Variants in URI1 observed in about 807,000 individuals in gnomAD.
URI1 encodes unconventional prefoldin RPB5 interactor 1.
A neutral mutation model predicts 60.2 loss-of-function variants in URI1; 39 were observed. That is an observed-to-expected ratio of 0.65 (90% CI 0.50 to 0.85). URI1 has a LOEUF of 0.85. Among genes scored for constraint, URI1 ranks in the 40% least tolerant of loss-of-function variants. URI1 has a pLI of 0.00. For missense variants in URI1, 691 were observed against 665.9 expected (o/e 1.04, Z -0.42); for synonymous variants, 251 against 236.8 (o/e 1.06, Z -0.55).
At chr19:29,953,830 A>C (rs2055209037) in intron 1 of URI1, among the ~76,000 whole-genome samples, 1 of 152,236 alleles carries the variant, frequency 6.6e-6, no homozygotes, top group African/African-American at 2.4e-5. Flanking sequence ...CACTGTATTC[A>C]TATGGTAATT....
upstream of URI1, chr19:29,942,139 C>A: frequency 1.1e-6 from 1 of 880,752 alleles, no homozygotes; most frequent in Non-Finnish European, 1.4e-6. Flanking sequence ...CCACGCGGTT[C>A]GCATCAAGCG....
At chr19:29,952,594 A>G (rs1198859365) in intron 1 of URI1, among the ~76,000 whole-genome samples, 1 of 152,334 alleles carries the variant, frequency 6.6e-6, no homozygotes, top group East Asian at 1.9e-4. Flanking sequence ...TGGTGTCTTC[A>G]GGGTTTTTTT....
At chr19:29,997,460 T>G (rs2055826326) in intron 4 of URI1, among the ~76,000 whole-genome samples, 1 of 152,116 alleles carries the variant, frequency 6.6e-6, no homozygotes, top group South Asian at 2.1e-4. Context: ...TAATAAAGAT[T>G]TGTCAATTTT....
At chr19:29,991,004 A>G (rs896792022) in intron 4 of URI1, among the ~76,000 whole-genome samples, 5 of 152,144 alleles carry the variant, frequency 3.3e-5, no homozygotes, top group Admixed American at 2.0e-4. Context: ...TTACTGTAGC[A>G]TTATAGTGTT....
chr19:30,012,217 T>A, intron 9 of URI1, 68 bp from the exon 10 acceptor site: 2 of 1,492,850 alleles, frequency 1.3e-6, no homozygotes, highest in Non-Finnish European at 1.8e-6. Flanking sequence ...TCAAGGAAAT[T>A]TTCAAAAAGT....
At chr19:29,926,479 A>C (rs2054869362) in intron 1 of URI1, among the ~76,000 whole-genome samples, 1 of 152,078 alleles carries the variant, frequency 6.6e-6, no homozygotes, top group South Asian at 2.1e-4. Flanking sequence ...AAGAGGTCTC[A>C]CTATGTTGCC....
intron 1 of URI1, among the ~76,000 whole-genome samples, chr19:29,924,492 A>G (rs1045023722): frequency 6.6e-6 from 1 of 152,136 alleles, no homozygotes; most frequent in Admixed American, 6.5e-5. Context: ...CCTCGCTTTC[A>G]TCCCTGGTCC....
chr19:30,014,852 C>T (rs1449092894), intron 10 of URI1, 35 bp from the exon 11 acceptor site: 1 of 1,560,298 alleles, frequency 6.4e-7, no homozygotes, highest in African/African-American at 1.4e-5. Context: ...GTCTTATTTG[C>T]ATTTTATTAC....
chr19:29,966,609 G>A (rs1290723685), intron 1 of URI1, among the ~76,000 whole-genome samples: 1 of 152,092 alleles, frequency 6.6e-6, no homozygotes, highest in African/African-American at 2.4e-5. Flanking sequence ...GTATACTTTG[G>A]TAATGATATT....
rs531973632 is a variant in URI1, at chr19:29,993,151, G to T, written c.367+6734G>T. ...ATAAAGTTATTTTTATTAAATGGAA[G>T]AGTGGACATGAAGGGATAAGAGCAT... On this transcript the variant is annotated intron_variant, in intron 4 of 10. Transcript: ENST00000392271. Among the ~76,000 whole-genome samples the T allele has an allele frequency of 1.4e-4, 21 of 152,266 alleles. No homozygotes were observed. The South Asian group carries it at 4.1e-3, about 30-fold the overall frequency.
intron 1 of URI1, among the ~76,000 whole-genome samples, chr19:29,953,445 C>A (rs545999751): frequency 1.3e-5 from 2 of 152,258 alleles, no homozygotes; most frequent in African/African-American, 4.8e-5. Context: ...TGTGAAGTAT[C>A]TTTCCATCAC....
At chr19:29,978,000 C>G (rs2055546978) in intron 2 of URI1, among the ~76,000 whole-genome samples, 2 of 152,032 alleles carry the variant, frequency 1.3e-5, no homozygotes, top group African/African-American at 2.4e-5. Flanking sequence ...TTAAAACATT[C>G]CCTTTTATTC....
Position 30,015,667 on chromosome 19 carries a change from T to A in URI1, c.*598T>A, listed in dbSNP as rs2145464144. ...TCTTTGGAAAGATATTTTGTAAAAC[T>A]TTTTTTTCCAAGTAAAAACTTTATG... On this transcript the variant is annotated 3_prime_UTR_variant, in exon 11 of 11. Transcript: ENST00000392271. 7.5e-7 allele frequency: 1 copy of A among 1,340,180 alleles called. No individual in the cohort carries two copies. The highest frequency in any genetic ancestry group is 1.4e-5 in the South Asian group (1 of 72,992). 83.0% of individuals were successfully genotyped at this position (1,340,180 alleles called of 1,614,324 possible).
chr19:29,964,184 A>G (rs1599679908), intron 1 of URI1, among the ~76,000 whole-genome samples: 1 of 152,050 alleles, frequency 6.6e-6, no homozygotes, highest in Non-Finnish European at 1.5e-5. Context: ...TGATCAGCTC[A>G]CTTCTCCACA....
rs190237861 is a variant in URI1 at position 29,995,212 on chromosome 19, A to G, written c.367+8795A>G. 4.6e-5 allele frequency among the ~76,000 whole-genome samples: 7 copies of G among 152,208 alleles called. No homozygotes were observed. In the East Asian group the frequency reaches 7.7e-4, roughly 17 times the overall value. ...GTCAACACTTGTTACTATATTTTTT[A>G]TATATAAAATAAATATATTTTGAAG... On this transcript the variant is annotated intron_variant, in intron 4 of 10. Coordinates refer to ENST00000392271, the MANE Select transcript of URI1 (RefSeq NM_003796.3).
intron 10 of URI1, among the ~76,000 whole-genome samples, chr19:30,013,727 CTT>C (rs772546215): frequency 3.9e-5 from 6 of 152,026 alleles, no homozygotes; most frequent in Non-Finnish European, 8.8e-5. Context: ...TTTTCAGTAT[CTT>C]TTTAAATGCT....
chr19:29,942,573 C>A lies in URI1; in HGVS notation c.26C>A (p.Pro9His). The A allele has an allele frequency of 7.0e-7, 1 of 1,423,618 alleles. No individual in the cohort carries two copies. Among genetic ancestry groups the A allele is most frequent in the South Asian group, 1.4e-5 (1 of 70,884 alleles). The allele number at this position is 1,423,618 out of a possible 1,614,324, so 88.2% of individuals were successfully genotyped here. A position where few individuals can be genotyped will look rare whatever the true frequency, so the allele number is the denominator to read the frequency against. The change falls in exon 1 of 11, where the codon CCC becomes CAC. Residue 9 changes from proline to histidine, a missense_variant. Pro to His is a moderately conservative substitution (Grantham distance 77). Coordinates refer to ENST00000392271, the MANE Select transcript of URI1 (RefSeq NM_003796.3). Reference sequence around the variant, plus strand: ...ATGGAGGCGCCCACCGTGGAGACGCCCCCCGACCCCTCGCCCCCTTCGGCC... The same window carrying A: ...ATGGAGGCGCCCACCGTGGAGACGCACCCCGACCCCTCGCCCCCTTCGGCC... The part of the protein sequence containing the change: MEAPTVET[P>H]PDPSPPSAPA...
chr19:29,955,093 A>G (rs1010162792), intron 1 of URI1, among the ~76,000 whole-genome samples: 6 of 149,064 alleles, frequency 4.0e-5, no homozygotes, highest in African/African-American at 1.5e-4. Context: ...TCCCGGGTTC[A>G]TGCTATTCTC....
chr19:29,997,952 T>G (rs930744694), intron 4 of URI1, among the ~76,000 whole-genome samples: 2 of 151,742 alleles, frequency 1.3e-5, no homozygotes, highest in African/African-American at 4.8e-5. Context: ...TTTAGTAGAG[T>G]CGGGGTTTCA....
Sources: allele counts gnomAD v4.1 joint callset (sites outside exome capture counted in the v4.1 genomes callset), GRCh38; gene constraint gnomAD v4.1.1; transcripts MANE v1.5; gene names NCBI Gene and HGNC (gene_info 2026-07-23, HGNC 2026-07-21).